The following TOGARAM1 variants were observed in gnomAD, a reference collection of about 807,000 sequenced individuals.
The protein encoded by TOGARAM1 is TOG array regulator of axonemal microtubules protein 1.
TOGARAM1 carries 100 observed loss-of-function variants against 166.6 expected under a neutral mutation model. That is an observed-to-expected ratio of 0.60 (90% CI 0.51 to 0.71). TOGARAM1 has a LOEUF of 0.71. Ranked by LOEUF, TOGARAM1 falls within the 30% of genes least tolerant of loss-of-function variation. The pLI is 0.00. For missense variants in TOGARAM1, 2,029 were observed against 2,102.7 expected (o/e 0.96, Z 0.69); for synonymous variants, 758 against 763.8 (o/e 0.99, Z 0.13).
At chr14:45,046,834 A>T (rs1273432707) in intron 14 of TOGARAM1, 131 bp downstream of exon 14, 1 of 714,256 alleles carries the variant, frequency 1.4e-6, no homozygotes, top group Non-Finnish European at 2.0e-6. Flanking sequence ...GTGCTGGGGG[A>T]TGGTCTTATT....
At chr14:45,012,671 A>G (rs1207701744) in intron 7 of TOGARAM1, among the ~76,000 whole-genome samples, 1 of 152,216 alleles carries the variant, frequency 6.6e-6, no homozygotes, top group Non-Finnish European at 1.5e-5. Flanking sequence ...AACTACGTTG[A>G]ATTGTGAATA....
intron 1 of TOGARAM1, among the ~76,000 whole-genome samples, chr14:44,968,230 A>G (rs1321040730): frequency 1.3e-5 from 2 of 152,210 alleles, no homozygotes; most frequent in Non-Finnish European, 2.9e-5. Flanking sequence ...AAGTATATAT[A>G]CATGCATATT....
chr14:45,013,288 C>G (rs77957487), intron 7 of TOGARAM1, among the ~76,000 whole-genome samples: 6,054 of 152,266 alleles, frequency 0.04, 208 homozygotes, highest in East Asian at 0.12. Flanking sequence ...ACCATTACAT[C>G]TTGCACTGAC....
Position 44,964,160 on chromosome 14 carries a change from G to A in TOGARAM1, c.1739G>A (p.Arg580Lys), listed in dbSNP as rs1379554531. Residue 580 changes from arginine (R) to lysine (K), a missense_variant, in exon 1 of 20, where the codon AGG becomes AAG. By Grantham distance (26) the Arg-to-Lys change is conservative (BLOSUM62 2). This residue lies in a region of TOGARAM1 where 1,453 missense variants were observed against 1,432.2 expected (regional missense o/e 1.01). Transcript: ENST00000361462. ...AGATTGGCTAGGAAAACCTTACCAA[G>A]GCTCACAGAGCAGGGATTTGTGGAA... is the stretch of plus-strand genomic sequence containing the variant. ...QARLARKTLP[R>K]LTEQGFVEYA... The A allele has an allele frequency of 6.2e-7, 1 of 1,614,170 alleles. No homozygotes were observed. The highest frequency in any genetic ancestry group is 1.1e-5 in the South Asian group (1 of 91,086).
chr14:44,990,116 T>G (rs1294529398), intron 1 of TOGARAM1, among the ~76,000 whole-genome samples: 2 of 152,196 alleles, frequency 1.3e-5, no homozygotes, highest in Non-Finnish European at 2.9e-5. Context: ...AGACAAGATT[T>G]GGGTAGGGAC....
chr14:45,009,275 G>C, intron 6 of TOGARAM1, 130 bp downstream of exon 6: 1 of 743,272 alleles, frequency 1.3e-6, no homozygotes, highest in Non-Finnish European at 2.1e-6. Context: ...ATATTTAAAA[G>C]ACATTGGAAA....
chr14:45,008,045 C>T (rs1879566228), intron 5 of TOGARAM1: 1 of 152,094 alleles, frequency 6.6e-6, no homozygotes. Context: ...TTGAGTTTGC[C>T]TTCCAACTAT....
At chr14:44,978,607 G>A (rs1195824995) in intron 1 of TOGARAM1, among the ~76,000 whole-genome samples, 1 of 151,966 alleles carries the variant, frequency 6.6e-6, no homozygotes, top group Non-Finnish European at 1.5e-5. Flanking sequence ...GAGTTTGAGA[G>A]CAGCCTGGAC....
chr14:45,056,532 A>G (rs1457105029), intron 16 of TOGARAM1, among the ~76,000 whole-genome samples: 1 of 152,022 alleles, frequency 6.6e-6, no homozygotes, highest in Non-Finnish European at 1.5e-5. Context: ...ATGTTGAGGT[A>G]TGTTCCTTCT....
intron 16 of TOGARAM1, among the ~76,000 whole-genome samples, chr14:45,058,538 C>A (rs946640946): frequency 6.6e-6 from 1 of 152,172 alleles, no homozygotes; most frequent in South Asian, 2.1e-4. Flanking sequence ...CATGATCCAT[C>A]TGCGTTGGCC....
chr14:45,044,894 A>C, intron 13 of TOGARAM1, 24 bp downstream of exon 13: 1 of 1,546,716 alleles, frequency 6.5e-7, no homozygotes, highest in Non-Finnish European at 8.9e-7. Flanking sequence ...TAACCTTGAA[A>C]TGTCTTTAAA....
chr14:45,004,170 A>G lies in TOGARAM1; in HGVS notation c.2448A>G (p.Pro816=). The stretch of plus-strand genomic sequence containing the variant: ...CAAGTCCAGGAGCTTACATCCTTCC[A>G]TCCTATCCTGTCTCATCACCTCGAA... ...QNPSPGAYIL[P]SYPVSSPRTS... is the part of the protein sequence containing the mutation. The change falls in exon 4 of 20, where the codon CCA becomes CCG. Residue 816 remains proline (P), a synonymous_variant. Coordinates refer to ENST00000361462, the MANE Select transcript of TOGARAM1 (RefSeq NM_001308120.2). 2 of 1,614,108 alleles carry G rather than the reference A, an allele frequency of 1.2e-6. No individual in the cohort carries two copies. The highest frequency in any genetic ancestry group is 2.2e-5 in the East Asian group (1 of 44,858).
Position 44,963,002 on chromosome 14 carries a change from C to G in TOGARAM1, c.581C>G (p.Ala194Gly), listed in dbSNP as rs1885271614. 1 of 1,614,026 alleles carries G rather than the reference C, an allele frequency of 6.2e-7. No homozygotes were observed. The highest frequency in any genetic ancestry group is 8.5e-7 in the Non-Finnish European group (1 of 1,180,022). The change falls in exon 1 of 20, where the codon GCC (alanine) becomes GGC (glycine). Residue 194 changes from alanine to glycine, a missense_variant. Coordinates refer to ENST00000361462, the MANE Select transcript of TOGARAM1 (RefSeq NM_001308120.2). The part of the protein sequence containing the change: ...LVVSLREENP[A>G]LRKDALQILH... The stretch of plus-strand genomic sequence containing the variant: ...GTCTCGTTACGGGAAGAGAATCCAG[C>G]CCTGCGGAAAGATGCGCTGCAGATC...
intron 14 of TOGARAM1, among the ~76,000 whole-genome samples, chr14:45,049,871 C>T (rs1882276768): frequency 6.6e-6 from 1 of 151,976 alleles, no homozygotes; most frequent in South Asian, 2.1e-4. Context: ...ATCTCATGTG[C>T]TTCTTTACTT....
At chr14:44,991,605 AGTC>A (rs1887139667) in intron 1 of TOGARAM1, among the ~76,000 whole-genome samples, 1 of 152,230 alleles carries the variant, frequency 6.6e-6, no homozygotes, top group African/African-American at 2.4e-5. Context: ...AATAGTGAAA[AGTC>A]GTGGCAAAGA....
intron 7 of TOGARAM1, 103 bp downstream of exon 7, chr14:45,012,178 T>C: frequency 1.5e-6 from 1 of 665,106 alleles, no homozygotes; most frequent in South Asian, 2.8e-5. Flanking sequence ...TTGTGCATAC[T>C]GGTTAAGACT....
At chr14:45,033,040 A>G (rs1881249910) in intron 11 of TOGARAM1, among the ~76,000 whole-genome samples, 1 of 152,180 alleles carries the variant, frequency 6.6e-6, no homozygotes, top group African/African-American at 2.4e-5. Context: ...TCACAAGGTC[A>G]GGAGTTCAAG....
chr14:45,027,736 A>G (rs1880937354), intron 9 of TOGARAM1, among the ~76,000 whole-genome samples: 1 of 152,040 alleles, frequency 6.6e-6, no homozygotes, highest in South Asian at 2.1e-4. Flanking sequence ...AGCTACAGCC[A>G]TGCGTGCCTA....
intron 11 of TOGARAM1, among the ~76,000 whole-genome samples, chr14:45,039,714 T>C: frequency 6.6e-6 from 1 of 152,218 alleles, no homozygotes; most frequent in East Asian, 1.9e-4. Context: ...AAGGCACTTC[T>C]GAGCCTGTGG....
Sources: gnomAD v4.1 joint callset for allele counts (sites outside exome capture counted in the v4.1 genomes callset) on GRCh38, gnomAD v4.1.1 for gene constraint, gnomAD v4.1.1 regional missense constraint, MANE v1.5 for transcripts, NCBI Gene and HGNC (gene_info 2026-07-23, HGNC 2026-07-21) for gene names.